The following CUL2 variants were observed in gnomAD, a reference collection of about 807,000 sequenced individuals.
CUL2 encodes the protein cullin-2.
A neutral mutation model predicts 110.2 loss-of-function variants in CUL2; 22 were observed. The observed-to-expected ratio is 0.20, with a 90% CI of 0.14 to 0.28. The LOEUF (loss-of-function observed/expected upper bound fraction) is 0.28. Ranked by LOEUF, CUL2 falls within the 10% of genes least tolerant of loss-of-function variation. CUL2 has a pLI of 1.00. For missense variants in CUL2, 631 were observed against 905.5 expected (o/e 0.70, Z 3.89); for synonymous variants, 279 against 293.2 (o/e 0.95, Z 0.49).
At chr10:35,059,846 T>C (rs2086336874) in intron 4 of CUL2, among the ~76,000 whole-genome samples, 2 of 152,232 alleles carry the variant, frequency 1.3e-5, no homozygotes, top group Admixed American at 1.3e-4. Context: ...CAGCATTGCT[T>C]TCTTCCTCTG....
rs555350969 is a variant in CUL2 at position 35,104,526 on chromosome 10, A to T, written c.-50-3466T>A. Among the ~76,000 whole-genome samples the T allele has an allele frequency of 3.3e-5, 5 of 152,134 alleles. No homozygotes were observed. In the East Asian group the frequency reaches 9.7e-4, roughly 29 times the overall value. Reference sequence around the variant, plus strand: ...CCTCTATTTATTTTGATTGCCTAGAACCTTGGTGTAGGGAAGGAGGTGGAA... The same window carrying T: ...CCTCTATTTATTTTGATTGCCTAGATCCTTGGTGTAGGGAAGGAGGTGGAA... On this transcript the variant is annotated intron_variant, in intron 1 of 5. Coordinates refer to the CUL2 transcript ENST00000685421.
intron 1 of CUL2, among the ~76,000 whole-genome samples, chr10:35,116,511 C>T (rs960143786): frequency 6.6e-6 from 1 of 152,128 alleles, no homozygotes; most frequent in African/African-American, 2.4e-5. Flanking sequence ...TTTAATTTCA[C>T]AGTAATGTAC....
At chr10:35,111,730 G>A (rs1050873991) in intron 1 of CUL2, among the ~76,000 whole-genome samples, 3 of 152,110 alleles carry the variant, frequency 2.0e-5, no homozygotes, top group Admixed American at 1.3e-4. Flanking sequence ...TCTACTAAAA[G>A]TGAAAAAATT....
upstream of CUL2, among the ~76,000 whole-genome samples, chr10:35,095,378 T>C (rs1042004743): frequency 2.4e-4 from 36 of 151,974 alleles, no homozygotes; most frequent in African/African-American, 7.7e-4. Flanking sequence ...ACTACCTCTA[T>C]TACAGAAATA....
chr10:35,097,235 TATAA>T (rs2087311865), intron 2 of CUL2, among the ~76,000 whole-genome samples: 1 of 152,126 alleles, frequency 6.6e-6, no homozygotes, highest in Admixed American at 6.6e-5. Flanking sequence ...AAGAAAAATG[TATAA>T]ATACTGAACT....
intron 2 of CUL2, among the ~76,000 whole-genome samples, chr10:35,069,288 TAGC>T (rs1296097229): frequency 6.6e-6 from 1 of 152,016 alleles, no homozygotes; most frequent in Non-Finnish European, 1.5e-5. Context: ...CCTGTAATCC[TAGC>T]ACTTTGGGAG....
chr10:35,116,105 G>A (rs2087595693), intron 1 of CUL2, among the ~76,000 whole-genome samples: 1 of 152,132 alleles, frequency 6.6e-6, no homozygotes, highest in South Asian at 2.1e-4. Flanking sequence ...CACTTTGGGA[G>A]GCCGAGGTGG....
In CUL2 at chr10:35,060,783, A is replaced by T. The variant is rs185638191; in HGVS notation, c.317+91T>A. 2.2e-5 allele frequency: 22 copies of T among 986,582 alleles called. No homozygotes were observed. In the African/African-American group the frequency reaches 3.3e-4, roughly 15 times the overall value. 61.1% of individuals were successfully genotyped at this position (986,582 alleles called of 1,614,324 possible). A position where few individuals can be genotyped will look rare whatever the true frequency, so the allele number is the denominator to read the frequency against. On this transcript the variant is annotated intron_variant, in intron 4 of 20. Coordinates refer to ENST00000374749, the MANE Select transcript of CUL2 (RefSeq NM_003591.4). ...AGAATGCTTTAGTTTTGCATATGTG[A>T]ATGAGAAATAGGCAATAAAAAAATT...
intron 7 of CUL2, 37 bp from the exon 8 acceptor site, chr10:35,044,713 G>T: frequency 6.3e-7 from 1 of 1,583,822 alleles, no homozygotes; most frequent in Non-Finnish European, 8.6e-7. Flanking sequence ...GAAGAAATTA[G>T]AACAAGCAGT....
In CUL2 at chr10:35,011,850, C is replaced by T; in HGVS notation, c.2104G>A (p.Glu702Lys). ...KVLRHNALIQ[E>K]VISQSRARFN... is the part of the protein sequence containing the mutation. ...CCTGAGGACTGCCCTCCTTTTACCT[C>T]TTGAATAAGGGCATTGTGCCGAAGC... The change falls in exon 20 of 21, where the codon GAG becomes AAG. Residue 702 changes from glutamate (E) to lysine (K), a missense_variant and splice_region_variant. Transcript: ENST00000374749. 1 of 1,587,740 alleles carries T rather than the reference C, an allele frequency of 6.3e-7. No homozygotes were observed. Among genetic ancestry groups the T allele is most frequent in the East Asian group, 2.2e-5 (1 of 44,728 alleles).
intron 4 of CUL2, among the ~76,000 whole-genome samples, 167 bp from the exon 5 acceptor site, chr10:35,054,706 T>C (rs1259790999): frequency 6.6e-6 from 1 of 152,136 alleles, no homozygotes; most frequent in African/African-American, 2.4e-5. Flanking sequence ...ATAATAAAAA[T>C]TAAAATTATC....
intron 1 of CUL2, among the ~76,000 whole-genome samples, chr10:35,080,486 A>G (rs2086921763): frequency 7.5e-6 from 1 of 133,300 alleles, no homozygotes; most frequent in Non-Finnish European, 1.6e-5. Flanking sequence ...TATTTTTGAG[A>G]CAGGGTCTTG....
chr10:35,093,055 T>G (rs1346280506), upstream of CUL2, among the ~76,000 whole-genome samples: 1 of 152,076 alleles, frequency 6.6e-6, no homozygotes, highest in African/African-American at 2.4e-5. Flanking sequence ...GACTCATGAC[T>G]CAGAACTGGT....
intron 1 of CUL2, chr10:35,118,688 ATT>A (rs2087637035): frequency 6.4e-4 from 1 of 1,560 alleles, no homozygotes; most frequent in Non-Finnish European, 1.9e-3. Context: ...CTCTGTGCTC[ATT>A]GCTCATACTT....
At chr10:35,063,447 A>C (rs572073586) in intron 2 of CUL2, among the ~76,000 whole-genome samples, 1 of 152,336 alleles carries the variant, frequency 6.6e-6, no homozygotes, top group South Asian at 2.1e-4. Flanking sequence ...GTATCAATGA[A>C]GGGCTATGGA....
chr10:35,019,343 T>C (rs542240213), intron 17 of CUL2, among the ~76,000 whole-genome samples: 2 of 152,300 alleles, frequency 1.3e-5, no homozygotes, highest in South Asian at 4.1e-4. Context: ...TTACTTCTTA[T>C]TGAGTTCATT....
At chr10:35,062,041 T>C (rs1250584529) in intron 3 of CUL2, among the ~76,000 whole-genome samples, 2 of 152,172 alleles carry the variant, frequency 1.3e-5, no homozygotes, top group Non-Finnish European at 2.9e-5. Context: ...GTTAAGTGAG[T>C]TGCCCGTGGT....
rs2087676692 is a variant in CUL2 at position 35,121,367 on chromosome 10, A to G, written c.-51+5238T>C. Among the ~76,000 whole-genome samples the G allele has an allele frequency of 3.3e-5, 5 of 152,208 alleles. No homozygotes were observed. In the South Asian group the frequency reaches 8.3e-4, roughly 25 times the overall value. On this transcript the variant is annotated intron_variant, in intron 1 of 5. Transcript: ENST00000685421. Reference sequence around the variant, plus strand: ...CTCAGCCTCCCAAGTAGCAGCAACTATAGGCACACCATCACGCCCAGCTGA... The same window carrying G: ...CTCAGCCTCCCAAGTAGCAGCAACTGTAGGCACACCATCACGCCCAGCTGA...
At chr10:35,121,713 G>A (rs1443068160) in intron 1 of CUL2, among the ~76,000 whole-genome samples, 1 of 151,940 alleles carries the variant, frequency 6.6e-6, no homozygotes, top group East Asian at 1.9e-4. Flanking sequence ...AGCCAGCTGA[G>A]GTGGGAGGAT....
Sources: gnomAD v4.1 joint callset for allele counts (sites outside exome capture counted in the v4.1 genomes callset) on GRCh38, gnomAD v4.1.1 for gene constraint, MANE v1.5 for transcripts, NCBI Gene and HGNC (gene_info 2026-07-23, HGNC 2026-07-21) for gene names.